PHACTR4: variants seen among roughly 807,000 people sequenced by gnomAD.
PHACTR4 encodes the protein phosphatase and actin regulator 4.
PHACTR4 carries 51 observed loss-of-function variants against 72.7 expected under a neutral mutation model. The observed-to-expected ratio is 0.70, with a 90% CI of 0.56 to 0.89. PHACTR4 has a LOEUF of 0.89. PHACTR4 is among the 40% of genes least tolerant of loss of function. PHACTR4 has a pLI of 0.00. For missense variants in PHACTR4, 731 were observed against 861.8 expected (o/e 0.85, Z 1.90); for synonymous variants, 255 against 302.5 (o/e 0.84, Z 1.63).
intron 2 of PHACTR4, among the ~76,000 whole-genome samples, chr1:28,425,730 C>T (rs1655796156): frequency 6.6e-6 from 1 of 152,102 alleles, no homozygotes; most frequent in South Asian, 2.1e-4. Context: ...TTCTTTCTCA[C>T]TCACTTAAAG....
chr1:28,422,985 C>T lies in PHACTR4; in HGVS notation c.16+15522C>T, dbSNP rs575534785. 1.1e-3 allele frequency among the ~76,000 whole-genome samples: 162 copies of T among 152,368 alleles called. 2 individuals carry two copies. The highest frequency in any genetic ancestry group is 0.01 in the Middle Eastern group (3 of 294). ...TGTAGTTTTAGTAGAGACGGGGTTT[C>T]CCCATGTTGACCAGGCTGGTCTCAA... On this transcript the variant is annotated intron_variant, in intron 2 of 13. Coordinates refer to ENST00000373839, the MANE Select transcript of PHACTR4 (RefSeq NM_001048183.3).
At chr1:28,398,871 C>T (rs1268342078) in intron 1 of PHACTR4, among the ~76,000 whole-genome samples, 2 of 151,934 alleles carry the variant, frequency 1.3e-5, no homozygotes, top group Non-Finnish European at 2.9e-5. Context: ...AAAAGAAGCA[C>T]TTTTGAGGCA....
intron 6 of PHACTR4, among the ~76,000 whole-genome samples, chr1:28,469,791 C>T (rs1243767829): frequency 6.6e-6 from 1 of 152,066 alleles, no homozygotes. Flanking sequence ...CATGGTGGCT[C>T]ATGCCTGTAA....
At chr1:28,483,726 G>C (rs1424292137) in intron 9 of PHACTR4, among the ~76,000 whole-genome samples, 6 of 150,406 alleles carry the variant, frequency 4.0e-5, no homozygotes, top group African/African-American at 1.5e-4. Context: ...ATGAACCTGG[G>C]AGGTGGAGCT....
rs1442653013 is a variant in PHACTR4 at position 28,499,300 on chromosome 1, T to G, written c.*2751T>G. 6.6e-6 allele frequency: 1 copy of G among 151,426 alleles called. No homozygotes were observed. The highest frequency in any genetic ancestry group is 2.4e-5 in the African/African-American group (1 of 41,200). The allele number at this position is 151,426 out of a possible 1,614,324, so 9.4% of individuals were successfully genotyped here. A position where few individuals can be genotyped will look rare whatever the true frequency, so the allele number is the denominator to read the frequency against. On this transcript the variant is annotated 3_prime_UTR_variant, in exon 14 of 14. Transcript: ENST00000373839. ...ACAGGCATGAGCCACCACGCCTGGC[T>G]AATTTTATATTTCTAGTAGAGATGA...
intron 6 of PHACTR4, among the ~76,000 whole-genome samples, chr1:28,473,091 A>G (rs1022856753): frequency 1.3e-5 from 2 of 151,602 alleles, no homozygotes; most frequent in East Asian, 2.0e-4. Context: ...CCTGGCCAAC[A>G]TGGTGAAAGC....
chr1:28,463,312 TG>T (rs1658938091), intron 4 of PHACTR4, among the ~76,000 whole-genome samples: 1 of 147,670 alleles, frequency 6.8e-6, no homozygotes, highest in South Asian at 2.1e-4. Context: ...CATTCAGTGA[TG>T]TTAAAGCCCC....
chr1:28,381,077 C>T (rs546601741), intron 1 of PHACTR4, among the ~76,000 whole-genome samples: 10 of 150,312 alleles, frequency 6.7e-5, no homozygotes, highest in African/African-American at 2.2e-4. Context: ...GGAGTGATCT[C>T]GGCTCACTGC....
chr1:28,393,201 T>C (rs1653194146), intron 1 of PHACTR4, among the ~76,000 whole-genome samples: 1 of 152,204 alleles, frequency 6.6e-6, no homozygotes, highest in Admixed American at 6.6e-5. Context: ...GTGATACCAA[T>C]AAGATTGGGA....
At chr1:28,432,233 T>C (rs939228273) in intron 2 of PHACTR4, among the ~76,000 whole-genome samples, 3 of 151,562 alleles carry the variant, frequency 2.0e-5, no homozygotes, top group African/African-American at 7.3e-5. Flanking sequence ...ATCTTTGGTA[T>C]GCCCAGCAAT....
intron 8 of PHACTR4, among the ~76,000 whole-genome samples, chr1:28,478,237 T>G (rs1450361962): frequency 6.6e-6 from 1 of 152,232 alleles, no homozygotes; most frequent in East Asian, 1.9e-4. Flanking sequence ...GATTTCTTTC[T>G]TTTTCATGGC....
rs747719789 is a variant in PHACTR4, at chr1:28,491,776, C to T, written c.2005C>T (p.Pro669Ser). The change falls in exon 12 of 14, where the codon CCT (proline) becomes TCT (serine). Residue 669 changes from proline to serine, a missense_variant. This residue lies in a region of PHACTR4 where 110 missense variants were observed against 185.2 expected (regional missense o/e 0.59). Transcript: ENST00000373839. ...RADKPWTKLT[P>S]ADKAAIRKEL... ...CGACAAACCTTGGACCAAACTGACCCCTGCTGACAAGGTACCTGGAAAGCA... is the reference window on the plus strand; with the variant it reads ...CGACAAACCTTGGACCAAACTGACCTCTGCTGACAAGGTACCTGGAAAGCA... 12 of 1,613,114 alleles carry T rather than the reference C, an allele frequency of 7.4e-6. No individual in the cohort carries two copies. The highest frequency in any genetic ancestry group is 1.0e-5 in the Non-Finnish European group (12 of 1,179,748).
At chr1:28,417,465 G>A (rs1164262741) in intron 2 of PHACTR4, among the ~76,000 whole-genome samples, 2 of 151,988 alleles carry the variant, frequency 1.3e-5, no homozygotes, top group Non-Finnish European at 2.9e-5. Context: ...CTGCAATACC[G>A]CCACAGTTGA....
chr1:28,371,349 C>G (rs1440163789), intron 1 of PHACTR4, among the ~76,000 whole-genome samples: 2 of 152,078 alleles, frequency 1.3e-5, no homozygotes, highest in African/African-American at 4.8e-5. Flanking sequence ...GGCTGGAATG[C>G]AATGGCACGA....
At chr1:28,404,955 C>T (rs1654215926) in intron 1 of PHACTR4, among the ~76,000 whole-genome samples, 1 of 152,060 alleles carries the variant, frequency 6.6e-6, no homozygotes, top group African/African-American at 2.4e-5. Context: ...TTGTTCCCCT[C>T]CTAGTATCCA....
intron 1 of PHACTR4, among the ~76,000 whole-genome samples, chr1:28,375,944 C>T (rs533646843): frequency 6.6e-6 from 1 of 152,176 alleles, no homozygotes; most frequent in East Asian, 1.9e-4. Flanking sequence ...TGGTACACGC[C>T]TGTAATTCCA....
intron 1 of PHACTR4, 109 bp from the exon 2 acceptor site, chr1:28,407,301 C>A: frequency 2.0e-6 from 1 of 491,010 alleles, no homozygotes; most frequent in Non-Finnish European, 3.5e-6. Flanking sequence ...TATAATGTTC[C>A]ACTTTTAAAC....
chr1:28,481,853 T>C (rs1262996605), intron 9 of PHACTR4, among the ~76,000 whole-genome samples: 3 of 151,874 alleles, frequency 2.0e-5, no homozygotes. Flanking sequence ...GGGTATCCTC[T>C]AAGAATTTGG....
chr1:28,392,127 T>C (rs867019739), intron 1 of PHACTR4, among the ~76,000 whole-genome samples: 7 of 152,068 alleles, frequency 4.6e-5, no homozygotes, highest in Admixed American at 2.0e-4. Flanking sequence ...AAAAAGAAAT[T>C]CCAGCAACAA....
Sources: gnomAD v4.1 joint callset for allele counts (sites outside exome capture counted in the v4.1 genomes callset) on GRCh38, gnomAD v4.1.1 for gene constraint, gnomAD v4.1.1 regional missense constraint, MANE v1.5 for transcripts, NCBI Gene and HGNC (gene_info 2026-07-23, HGNC 2026-07-21) for gene names.